The following DDR2 variants were observed in gnomAD, a reference collection of about 807,000 sequenced individuals.
DDR2 encodes the protein discoidin domain receptor tyrosine kinase 2, also known as discoidin domain-containing receptor 2.
DDR2 carries 27 observed loss-of-function variants against 94.9 expected under a neutral mutation model. The ratio of observed to expected loss-of-function variants is 0.28; its 90% confidence interval spans 0.21 to 0.39. The LOEUF (loss-of-function observed/expected upper bound fraction) is 0.39. DDR2 is among the 10% of genes least tolerant of loss of function. The probability of loss-of-function intolerance (pLI) is 1.00; values close to 1 mark genes in which losing one functional copy is unlikely to be tolerated. For synonymous variants in DDR2, 382 were observed against 377.2 expected (o/e 1.01, Z -0.15); for missense variants, 783 against 1,076.0 (o/e 0.73, Z 3.81).
Position 162,700,340 on chromosome 1 carries a change from G to A in DDR2, c.-27-18697G>A, listed in dbSNP as rs1398293248. Among the ~76,000 whole-genome samples, 7 of 152,206 alleles carry A rather than the reference G, an allele frequency of 4.6e-5. No individual in the cohort carries two copies. In the East Asian group the frequency reaches 5.8e-4, roughly 13 times the overall value. On this transcript the variant is annotated intron_variant, in intron 2 of 17. Coordinates refer to ENST00000367921, the MANE Select transcript of DDR2 (RefSeq NM_006182.4). ...GGCCTTGTGAGTGCAATGTCTATTG[G>A]GCTATTGTGGACCCCATGACTATGA... is the stretch of plus-strand genomic sequence containing the variant.
Position 162,780,119 on chromosome 1 carries a change from T to TC in DDR2, c.2444dup (p.Gln816SerfsTer7). ...TTATTTTTGTTCCCAAAGACTTACCTCCCTCAACCAGCCATTTGTCCTGAC... is the reference window on the plus strand; with the variant it reads ...TTATTTTTGTTCCCAAAGACTTACCTCCCCTCAACCAGCCATTTGTCCTGAC... On this transcript the variant is annotated frameshift_variant, in exon 18 of 18. Transcript: ENST00000367921. LOFTEE classifies it high-confidence loss of function. 1 of 1,613,926 alleles carries TC rather than the reference T, an allele frequency of 6.2e-7. No homozygotes were observed. The highest frequency in any genetic ancestry group is 8.5e-7 in the Non-Finnish European group (1 of 1,179,886).
chr1:162,736,884 C>A (rs1027019307), intron 3 of DDR2, among the ~76,000 whole-genome samples: 1 of 152,168 alleles, frequency 6.6e-6, no homozygotes. Context: ...GTTTGAGGAA[C>A]AACAAGGAGG....
At chr1:162,640,973 C>T (rs1321049293) in intron 1 of DDR2, among the ~76,000 whole-genome samples, 1 of 152,224 alleles carries the variant, frequency 6.6e-6, no homozygotes. Flanking sequence ...TCAGGCAGGT[C>T]TCAAACTCCT....
At chr1:162,750,613 A>G (rs1368950812) in intron 3 of DDR2, among the ~76,000 whole-genome samples, 2 of 152,194 alleles carry the variant, frequency 1.3e-5, no homozygotes, top group African/African-American at 4.8e-5. Flanking sequence ...TCAAGCTACC[A>G]ATGACTTTCT....
intron 3 of DDR2, among the ~76,000 whole-genome samples, chr1:162,726,076 C>G (rs997459824): frequency 2.0e-5 from 3 of 152,162 alleles, no homozygotes; most frequent in Admixed American, 6.5e-5. Flanking sequence ...TCTCACCTAT[C>G]ACTGATCGCT....
chr1:162,753,597 A>G (rs1455236891), intron 4 of DDR2, among the ~76,000 whole-genome samples: 3 of 152,290 alleles, frequency 2.0e-5, no homozygotes, highest in East Asian at 3.9e-4. Flanking sequence ...CAGTGGGTCT[A>G]TGAAACATCA....
At chr1:162,631,389 G>A (rs931084620), upstream of DDR2, 2 of 152,154 alleles carry the variant, frequency 1.3e-5, no homozygotes, top group African/African-American at 2.4e-5. Context: ...AGAAGAGCTG[G>A]TGATAGCTCC....
intron 2 of DDR2, among the ~76,000 whole-genome samples, chr1:162,667,232 C>G (rs1224785330): frequency 1.3e-5 from 2 of 152,118 alleles, no homozygotes; most frequent in East Asian, 3.9e-4. Context: ...TTGTACAGTA[C>G]TTACTTTAGT....
intron 13 of DDR2, 90 bp from the exon 14 acceptor site, chr1:162,773,379 A>G (rs113747113): frequency 6.4e-7 from 1 of 1,565,758 alleles, no homozygotes; most frequent in South Asian, 1.1e-5. Context: ...GAGTTGTAAG[A>G]GTTAGTTTAT....
At chr1:162,641,576 T>C (rs113033252) in intron 1 of DDR2, among the ~76,000 whole-genome samples, 19 of 152,332 alleles carry the variant, frequency 1.2e-4, no homozygotes, top group African/African-American at 4.6e-4. Context: ...ACTCTCACTG[T>C]ATATTAGATT....
intron 2 of DDR2, among the ~76,000 whole-genome samples, chr1:162,687,334 TA>T (rs1273626462): frequency 6.6e-6 from 1 of 152,224 alleles, no homozygotes; most frequent in Admixed American, 6.5e-5. Flanking sequence ...ACCATGGCCA[TA>T]AAACGGCCCC....
At chr1:162,780,044 C>T (rs547124038) in intron 17 of DDR2, 68 bp from the exon 18 acceptor site, 7 of 1,606,830 alleles carry the variant, frequency 4.4e-6, no homozygotes, top group East Asian at 2.2e-5. Flanking sequence ...AGATACTTCC[C>T]TTTCCCCCGT....
intron 2 of DDR2, among the ~76,000 whole-genome samples, chr1:162,677,573 G>C (rs1659195132): frequency 6.6e-6 from 1 of 152,160 alleles, no homozygotes; most frequent in South Asian, 2.1e-4. Context: ...TGAATAGGTG[G>C]GGGGATGCAA....
chr1:162,767,290 C>A lies in DDR2; in HGVS notation c.1224C>A (p.Ile408=), dbSNP rs143928882. ...TCCTGATTGGCTGCTTGGTGGCCAT[C>A]ATCTTTATCCTCCTGGCCATCATTG... ...TRILIGCLVA[I]IFILLAIIVI... is the part of the protein sequence containing the mutation. Residue 408 remains isoleucine, a synonymous_variant, in exon 11 of 18, where the codon ATC becomes ATA. Transcript: ENST00000367921. 4.3e-4 allele frequency: 692 copies of A among 1,614,092 alleles called. 3 individuals carry two copies. In the African/African-American group the frequency reaches 7.5e-3, roughly 18 times the overall value.
At chr1:162,683,865 T>C (rs1381989543) in intron 2 of DDR2, among the ~76,000 whole-genome samples, 1 of 152,174 alleles carries the variant, frequency 6.6e-6, no homozygotes, top group Non-Finnish European at 1.5e-5. Flanking sequence ...ACGTTGTTTT[T>C]TTTAAAATAG....
chr1:162,642,360 C>T lies in DDR2; in HGVS notation c.-192+9729C>T, dbSNP rs181827894. Among the ~76,000 whole-genome samples the T allele has an allele frequency of 2.4e-4, 37 of 151,698 alleles. No individual in the cohort carries two copies. In the East Asian group the frequency reaches 5.9e-3, roughly 24 times the overall value. On this transcript the variant is annotated intron_variant, in intron 1 of 17. Coordinates refer to ENST00000367921, the MANE Select transcript of DDR2 (RefSeq NM_006182.4). ...CCATCCTGGCTCACCACAACCTCCA[C>T]CTCCCAGGTTCAAGCGATTGTCCTG...
chr1:162,714,833 G>T (rs1462561909), intron 2 of DDR2, among the ~76,000 whole-genome samples: 1 of 152,182 alleles, frequency 6.6e-6, no homozygotes, highest in Non-Finnish European at 1.5e-5. Context: ...TTACAAAATA[G>T]TTGCTGAATG....
At chr1:162,701,168 A>C (rs1479648520) in intron 2 of DDR2, among the ~76,000 whole-genome samples, 1 of 152,226 alleles carries the variant, frequency 6.6e-6, no homozygotes. Context: ...ATTCTTTACA[A>C]CTATTAAGTG....
chr1:162,718,485 C>T (rs1390723004), intron 2 of DDR2, among the ~76,000 whole-genome samples: 1 of 152,038 alleles, frequency 6.6e-6, no homozygotes, highest in Non-Finnish European at 1.5e-5. Context: ...TTAAGCTAAA[C>T]ATAAGTTCAT....
Sources: gnomAD v4.1 joint callset for allele counts (sites outside exome capture counted in the v4.1 genomes callset) on GRCh38, gnomAD v4.1.1 for gene constraint, MANE v1.5 for transcripts, NCBI Gene and HGNC (gene_info 2026-07-23, HGNC 2026-07-21) for gene names.